Variants in MYRF observed in about 807,000 individuals in gnomAD.
MYRF encodes myelin gene regulatory factor.
A neutral mutation model predicts 126.3 loss-of-function variants in MYRF; 16 were observed. The ratio of observed to expected loss-of-function variants is 0.13; its 90% CI spans 0.09 to 0.19. The LOEUF is 0.19. Ranked by LOEUF, MYRF falls within the 10% of genes least tolerant of loss-of-function variation. The pLI is 1.00. For missense variants in MYRF, 1,104 were observed against 1,547.0 expected (o/e 0.71, Z 4.80); for synonymous variants, 608 against 635.3 (o/e 0.96, Z 0.65).
rs765224466 is a variant in MYRF, at chr11:61,776,278, A to AGCCT, written c.1389-43_1389-40dup. On this transcript the variant is annotated intron_variant, in intron 9 of 26. Coordinates refer to ENST00000278836, the MANE Select transcript of MYRF (RefSeq NM_001127392.3). This position sits in a 1 kb window ranked among gnomAD's most constrained non-coding sequence, Gnocchi z 4.3. ...TGCCCCTCAGTGGCGTGGCTCTTGC[A>AGCCT]GCCTCCCTCCCTGCCCCCTGAGCAC... 6.3e-7 allele frequency: 1 copy of AGCCT among 1,583,740 alleles called. No homozygotes were observed. Among genetic ancestry groups the AGCCT allele is most frequent in the Non-Finnish European group, 8.6e-7 (1 of 1,159,734 alleles).
intron 24 of MYRF, 60 bp from the exon 25 acceptor site, chr11:61,784,220 G>C (rs1222950466): frequency 6.7e-7 from 1 of 1,494,504 alleles, no homozygotes; most frequent in Non-Finnish European, 9.2e-7. Flanking sequence ...CTGGCTGGGA[G>C]GGGGCTGGGG....
chr11:61,783,795 G>A lies in MYRF; in HGVS notation c.3120-56G>A. 1.3e-6 allele frequency: 2 copies of A among 1,522,274 alleles called. No individual in the cohort carries two copies. Among genetic ancestry groups the A allele is most frequent in the Non-Finnish European group, 1.8e-6 (2 of 1,119,298 alleles). 94.3% of individuals were successfully genotyped at this position (1,522,274 alleles called of 1,614,324 possible). On this transcript the variant is annotated intron_variant, in intron 23 of 26. Coordinates refer to ENST00000278836, the MANE Select transcript of MYRF (RefSeq NM_001127392.3). The surrounding 1 kb of genome is among the most constrained non-coding windows in gnomAD (Gnocchi z 4.6). The stretch of plus-strand genomic sequence containing the variant: ...GATTGGGGGCTGAGGAGTCCCTGGT[G>A]GGGGTGGGGGGTGGCAGGGTACCCT...
Position 61,786,329 on chromosome 11 carries a change from G to C in MYRF, c.*186G>C, listed in dbSNP as rs920949377. 3.2e-6 allele frequency: 2 copies of C among 630,354 alleles called. No individual in the cohort carries two copies. Among genetic ancestry groups the C allele is most frequent in the South Asian group, 3.8e-5 (2 of 52,396 alleles). 39.0% of individuals were successfully genotyped at this position (630,354 alleles called of 1,614,324 possible). A position where few individuals can be genotyped will look rare whatever the true frequency, so the allele number is the denominator to read the frequency against. Reference sequence around the variant, plus strand: ...GCTGTTCCAGCTGGTCGCCCCTCACGGCACAGAGGGAACCTGAGAGCCAGA... The same window carrying C: ...GCTGTTCCAGCTGGTCGCCCCTCACCGCACAGAGGGAACCTGAGAGCCAGA... On this transcript the variant is annotated 3_prime_UTR_variant, in exon 27 of 27. Coordinates refer to ENST00000278836, the MANE Select transcript of MYRF (RefSeq NM_001127392.3). The surrounding 1 kb of genome is among the most constrained non-coding windows in gnomAD (Gnocchi z 4.5).
At chr11:61,770,629 C>A in intron 5 of MYRF, 104 bp downstream of exon 5, 1 of 1,174,818 alleles carries the variant, frequency 8.5e-7, no homozygotes. Context: ...GACCGGGATG[C>A]ACCCAGGGAG....
intron 5 of MYRF, among the ~76,000 whole-genome samples, chr11:61,770,835 G>T (rs1389237585): frequency 6.6e-6 from 1 of 152,128 alleles, no homozygotes; most frequent in East Asian, 1.9e-4. Flanking sequence ...GACTGGGCCC[G>T]GGGCTGTGCT....
intron 3 of MYRF, chr11:61,767,059 T>C (rs1275020360): frequency 2.2e-6 from 1 of 456,686 alleles, no homozygotes. Context: ...AAGATTATCG[T>C]GGGAAGCAAC....
At chr11:61,763,494 G>T (rs2065958823) in intron 1 of MYRF, among the ~76,000 whole-genome samples, 2 of 152,238 alleles carry the variant, frequency 1.3e-5, no homozygotes, top group South Asian at 4.1e-4. Context: ...CTCTGTCATG[G>T]TCAGCATTCT....
In MYRF at chr11:61,777,716, G is replaced by C. The variant is rs2066426367; in HGVS notation, c.1792-18G>C. 7 of 1,547,938 alleles carry C rather than the reference G, an allele frequency of 4.5e-6. No individual in the cohort carries two copies. The highest frequency in any genetic ancestry group is 6.1e-6 in the Non-Finnish European group (7 of 1,144,328). On this transcript the variant is annotated intron_variant, in intron 12 of 26. Transcript: ENST00000278836. This position sits in a 1 kb window ranked among gnomAD's most constrained non-coding sequence, Gnocchi z 8.8. ...ACGGCCGCAGGAGGGGTTCATTCCC[G>C]GGCCTGGCTCCCCGCAGGTGGACAC...
chr11:61,784,186 G>C, intron 24 of MYRF, 94 bp from the exon 25 acceptor site: 1 of 1,210,398 alleles, frequency 8.3e-7, no homozygotes, highest in African/African-American at 1.5e-5. Flanking sequence ...CAGGCTGGGT[G>C]GAGATTCAGA....
intron 8 of MYRF, among the ~76,000 whole-genome samples, chr11:61,774,521 CAAAAAAAAAAAAG>C (rs1433070975): frequency 2.1e-3 from 212 of 100,824 alleles, no homozygotes; most frequent in South Asian, 3.8e-3. Context: ...GACTTCATCT[CAAAAAAAAAAAAG>C]AAAAAAAAAA....
chr11:61,772,745 G>A (rs1439656252), intron 7 of MYRF, among the ~76,000 whole-genome samples: 1 of 152,260 alleles, frequency 6.6e-6, no homozygotes, highest in Non-Finnish European at 1.5e-5. Flanking sequence ...CAGGAAGCTT[G>A]GCAGCTGCAG....
In MYRF at chr11:61,778,342, ACCC is replaced by A; in HGVS notation, c.1904-33_1904-31del. 7.5e-7 allele frequency: 1 copy of A among 1,326,354 alleles called. No homozygotes were observed. Among genetic ancestry groups the A allele is most frequent in the South Asian group, 1.2e-5 (1 of 85,140 alleles). 82.2% of individuals were successfully genotyped at this position (1,326,354 alleles called of 1,614,324 possible). ...ACAAAGCTGTGAGTAGCCCTTTACC[ACCC>A]CCCCACCCATCTTTGGCTTGTCCCC... On this transcript the variant is annotated intron_variant, in intron 13 of 26. Coordinates refer to ENST00000278836, the MANE Select transcript of MYRF (RefSeq NM_001127392.3). The surrounding 1 kb of genome is among the most constrained non-coding windows in gnomAD (Gnocchi z 4.6).
intron 3 of MYRF, chr11:61,767,240 CT>C: frequency 2.2e-6 from 1 of 456,758 alleles, no homozygotes; most frequent in Non-Finnish European, 4.4e-6. Flanking sequence ...GAGGCTGTTC[CT>C]AAACTACAGG....
chr11:61,756,719 C>T (rs778393954), intron 1 of MYRF, among the ~76,000 whole-genome samples: 1 of 152,026 alleles, frequency 6.6e-6, no homozygotes, highest in Admixed American at 6.5e-5. Flanking sequence ...GAAAGCACCT[C>T]TCTGGAGGGC....
chr11:61,774,262 C>G (rs564320630), intron 8 of MYRF, 100 bp downstream of exon 8: 3 of 1,121,582 alleles, frequency 2.7e-6, no homozygotes, highest in African/African-American at 1.6e-5. Context: ...CTGTGGCTCA[C>G]GCCTGTAATC....
At position 61,777,960 on chromosome 11, in the gene MYRF, C is replaced by CCTGGGAATCATGCCTT. The variant is rs2066433274; in HGVS notation, c.1903+118_1903+133dup. On this transcript the variant is annotated intron_variant, in intron 13 of 26. Transcript: ENST00000278836. This position sits in a 1 kb window ranked among gnomAD's most constrained non-coding sequence, Gnocchi z 8.8. Reference sequence around the variant, plus strand: ...TCCTCTTGACTCCCGGAACTGCGCCCCTGGGAATCATGCCTTCTAGAAGTC... The same window carrying CCTGGGAATCATGCCTT: ...TCCTCTTGACTCCCGGAACTGCGCCCCTGGGAATCATGCCTTCTGGGAATCATGCCTTCTAGAAGTC... The CCTGGGAATCATGCCTT allele has an allele frequency of 6.1e-6, 5 of 824,096 alleles. No individual in the cohort carries two copies. 51.0% of individuals were successfully genotyped at this position (824,096 alleles called of 1,614,324 possible). A position where few individuals can be genotyped will look rare whatever the true frequency, so the allele number is the denominator to read the frequency against.
At position 61,757,053 on chromosome 11, in the gene MYRF, G is replaced by T; in HGVS notation, c.46+4263G>T. ...TATTAACTGAATCATTAACTGGGTG[G>T]CCCCGCCCTACCCAGGCAGCCTGCC... On this transcript the variant is annotated intron_variant, in intron 1 of 26. Coordinates refer to ENST00000278836, the MANE Select transcript of MYRF (RefSeq NM_001127392.3). The surrounding 1 kb of genome is among the most constrained non-coding windows in gnomAD (Gnocchi z 4.7). The T allele has an allele frequency of 2.4e-6, 1 of 415,524 alleles. No individual in the cohort carries two copies. Among genetic ancestry groups the T allele is most frequent in the Non-Finnish European group, 4.9e-6 (1 of 203,352 alleles). The allele number at this position is 415,524 out of a possible 1,614,324, so 25.7% of individuals were successfully genotyped here.
At chr11:61,752,957 A>C (rs1480942537) in intron 1 of MYRF, among the ~76,000 whole-genome samples, 167 bp downstream of exon 1, 1 of 151,684 alleles carries the variant, frequency 6.6e-6, no homozygotes, top group East Asian at 2.0e-4. Context: ...GGAGTCCCCC[A>C]GCGGTTACCA....
intron 2 of MYRF, 122 bp downstream of exon 2, chr11:61,765,834 T>A (rs2066040930): frequency 4.2e-6 from 6 of 1,416,096 alleles, no homozygotes; most frequent in Non-Finnish European, 5.7e-6. Context: ...TGAAAGCTGC[T>A]CCTCGTCCCT....
Sources: allele counts gnomAD v4.1 joint callset (sites outside exome capture counted in the v4.1 genomes callset), GRCh38; gene constraint gnomAD v4.1.1; non-coding constraint Gnocchi (gnomAD v3.1); transcripts MANE v1.5; gene names NCBI Gene and HGNC (gene_info 2026-07-23, HGNC 2026-07-21).